Variants in DENND4C observed in about 807,000 individuals in gnomAD.
The protein encoded by DENND4C is DENN domain containing 4C, also known as DENN domain-containing protein 4C.
DENND4C carries 108 observed loss-of-function variants against 203.0 expected under a neutral mutation model. The ratio of observed to expected loss-of-function variants is 0.53; its 90% CI spans 0.46 to 0.62. The LOEUF is 0.62. Ranked by LOEUF, DENND4C falls within the 20% of genes least tolerant of loss-of-function variation. The probability of loss-of-function intolerance (pLI) is 0.00; values close to 1 mark genes in which losing one functional copy is unlikely to be tolerated. For synonymous variants in DENND4C, 871 were observed against 792.4 expected (o/e 1.10, Z -1.67); for missense variants, 2,481 against 2,301.2 (o/e 1.08, Z -1.60).
At chr9:19,357,202 C>T in intron 27 of DENND4C, 48 bp downstream of exon 27, 2 of 1,594,926 alleles carry the variant, frequency 1.3e-6, no homozygotes, top group Non-Finnish European at 1.7e-6. Flanking sequence ...AATGGGGTAC[C>T]CTTGTAAAAA....
Position 19,373,975 on chromosome 9 carries a change from A to G in DENND4C, c.*1802A>G, listed in dbSNP as rs1829257467. Among the ~76,000 whole-genome samples the G allele has an allele frequency of 6.6e-6, 1 of 152,208 alleles. No homozygotes were observed. Among genetic ancestry groups the G allele is most frequent in the Non-Finnish European group, 1.5e-5 (1 of 68,028 alleles). On this transcript the variant is annotated 3_prime_UTR_variant, in exon 33 of 33. Coordinates refer to ENST00000434457, the MANE Select transcript of DENND4C (RefSeq NM_001330640.2). ...TCAGAAATTATGTACAATTTTCATT[A>G]CCTTCAAAATGGATCTTTTGCACTG...
chr9:19,261,946 G>C (rs1225458818), intron 1 of DENND4C, among the ~76,000 whole-genome samples: 2 of 151,846 alleles, frequency 1.3e-5, no homozygotes, highest in African/African-American at 2.4e-5. Context: ...TTTATTTGTA[G>C]ATACTGTAAA....
chr9:19,279,353 G>A (rs957557132), intron 2 of DENND4C, among the ~76,000 whole-genome samples: 1 of 150,220 alleles, frequency 6.7e-6, no homozygotes, highest in Non-Finnish European at 1.5e-5. Context: ...GATTGCTTGA[G>A]GCCAGGAGTT....
chr9:19,259,717 C>G (rs1309409549), intron 1 of DENND4C, among the ~76,000 whole-genome samples: 3 of 152,054 alleles, frequency 2.0e-5, no homozygotes, highest in Non-Finnish European at 2.9e-5. Context: ...GTTGGTCAGG[C>G]TGGTCTCAAA....
At chr9:19,238,896 A>G (rs1464577467) in intron 1 of DENND4C, among the ~76,000 whole-genome samples, 1 of 148,728 alleles carries the variant, frequency 6.7e-6, no homozygotes, top group Non-Finnish European at 1.5e-5. Flanking sequence ...CAGGTGATCC[A>G]CCCACCTCGG....
chr9:19,288,764 A>C (rs1225705023), intron 4 of DENND4C, 99 bp downstream of exon 4: 22 of 554,104 alleles, frequency 4.0e-5, no homozygotes, highest in Admixed American at 3.1e-4. Flanking sequence ...CATAGTTTGT[A>C]GAATTGATCT....
Position 19,335,034 on chromosome 9 carries a change from G to A in DENND4C, c.2518G>A (p.Val840Met), listed in dbSNP as rs1289131183. 6.2e-7 allele frequency: 1 copy of A among 1,612,636 alleles called. No homozygotes were observed. Among genetic ancestry groups the A allele is most frequent in the Non-Finnish European group, 8.5e-7 (1 of 1,179,500 alleles). The change falls in exon 18 of 33, where the codon GTG becomes ATG. Residue 840 changes from valine to methionine, a missense_variant. Transcript: ENST00000434457. The stretch of plus-strand genomic sequence containing the variant: ...ACTTTGGGGTCATCCTGTTTTAGCA[G>A]TGAGAGTCTTATTTGAAATGAAAAC... ...CGLWGHPVLA[V>M]RVLFEMKTAR...
At chr9:19,258,248 A>C (rs937399877) in intron 1 of DENND4C, among the ~76,000 whole-genome samples, 6 of 152,220 alleles carry the variant, frequency 3.9e-5, no homozygotes, top group African/African-American at 1.4e-4. Flanking sequence ...AGACTCATGT[A>C]ATTTCACAGG....
intron 2 of DENND4C, among the ~76,000 whole-genome samples, chr9:19,284,041 A>G (rs1389959498): frequency 6.6e-6 from 1 of 152,212 alleles, no homozygotes; most frequent in Non-Finnish European, 1.5e-5. Flanking sequence ...TTGATAAACT[A>G]TTATAATACA....
At chr9:19,231,486 T>C (rs967886466) in intron 1 of DENND4C, among the ~76,000 whole-genome samples, 57 of 151,898 alleles carry the variant, frequency 3.8e-4, no homozygotes, top group Non-Finnish European at 7.2e-4. Flanking sequence ...AATGAAGTCC[T>C]AAGGCTGACT....
At chr9:19,258,389 A>G (rs1425483624) in intron 1 of DENND4C, among the ~76,000 whole-genome samples, 1 of 152,192 alleles carries the variant, frequency 6.6e-6, no homozygotes, top group African/African-American at 2.4e-5. Context: ...AGAACCAAAG[A>G]TATTACAGGA....
intron 1 of DENND4C, among the ~76,000 whole-genome samples, chr9:19,237,379 T>C (rs910471430): frequency 6.6e-6 from 1 of 151,388 alleles, no homozygotes; most frequent in Non-Finnish European, 1.5e-5. Context: ...TGAGGCAGAG[T>C]CTCGCTCTAT....
chr9:19,355,558 T>TA (rs1436253680), intron 26 of DENND4C, among the ~76,000 whole-genome samples: 1 of 152,242 alleles, frequency 6.6e-6, no homozygotes, highest in African/African-American at 2.4e-5. Context: ...TGCTTACTGC[T>TA]ATATGGTGTC....
At chr9:19,353,269 T>C (rs1354683200) in intron 26 of DENND4C, among the ~76,000 whole-genome samples, 5 of 152,198 alleles carry the variant, frequency 3.3e-5, no homozygotes. Context: ...TAGGGAATTA[T>C]ACTTAATATT....
At chr9:19,306,203 G>A (rs1588884502) in intron 10 of DENND4C, among the ~76,000 whole-genome samples, 2 of 152,272 alleles carry the variant, frequency 1.3e-5, no homozygotes, top group East Asian at 3.9e-4. Context: ...CAACTTCCAG[G>A]CCGTAGAACG....
At position 19,304,562 on chromosome 9, in the gene DENND4C, A is replaced by T. The variant is rs1399930293; in HGVS notation, c.1312-790A>T. 2.7e-5 allele frequency among the ~76,000 whole-genome samples: 4 copies of T among 149,082 alleles called. No homozygotes were observed. The South Asian group carries it at 8.5e-4, about 32-fold the overall frequency. The stretch of plus-strand genomic sequence containing the variant: ...ACGAATTTTTTTTTTTTTGAGACCG[A>T]GTCTCACTCTGTCACCCAGGCTGGA... On this transcript the variant is annotated intron_variant, in intron 9 of 32. Coordinates refer to ENST00000434457, the MANE Select transcript of DENND4C (RefSeq NM_001330640.2).
At chr9:19,314,631 T>C (rs1187831368) in intron 10 of DENND4C, among the ~76,000 whole-genome samples, 6 of 151,850 alleles carry the variant, frequency 4.0e-5, no homozygotes. Flanking sequence ...GATTCCAAAA[T>C]GCAATGACTT....
At chr9:19,248,635 C>T (rs992885714) in intron 1 of DENND4C, among the ~76,000 whole-genome samples, 1 of 152,124 alleles carries the variant, frequency 6.6e-6, no homozygotes, top group African/African-American at 2.4e-5. Context: ...GATGATCTGC[C>T]CGCCTCAGCT....
At chr9:19,312,400 G>T (rs1328409134) in intron 10 of DENND4C, among the ~76,000 whole-genome samples, 3 of 152,082 alleles carry the variant, frequency 2.0e-5, no homozygotes, top group Non-Finnish European at 2.9e-5. Context: ...ACCATGCCCG[G>T]CTACAAATTA....
Sources: gnomAD v4.1 joint callset for allele counts (sites outside exome capture counted in the v4.1 genomes callset) on GRCh38, gnomAD v4.1.1 for gene constraint, MANE v1.5 for transcripts, NCBI Gene and HGNC (gene_info 2026-07-23, HGNC 2026-07-21) for gene names.